The following UBL7 variants were observed in gnomAD, a reference collection of about 807,000 sequenced individuals.
UBL7 encodes the protein ubiquitin like 7.
UBL7 carries 21 observed loss-of-function variants against 41.7 expected under a neutral mutation model. The observed-to-expected ratio is 0.50, with a 90% CI of 0.36 to 0.73. The LOEUF is 0.73. Ranked by LOEUF, UBL7 falls within the 30% of genes least tolerant of loss-of-function variation. The pLI is 0.00. For missense variants in UBL7, 403 were observed against 478.4 expected (o/e 0.84, Z 1.47); for synonymous variants, 157 against 186.9 (o/e 0.84, Z 1.31).
intron 10 of UBL7, among the ~76,000 whole-genome samples, chr15:74,447,257 A>T (rs946391982): frequency 6.6e-6 from 1 of 152,180 alleles, no homozygotes; most frequent in East Asian, 1.9e-4. Context: ...GACCCCAGAC[A>T]AGTTCCAGGG....
chr15:74,459,333 C>T (rs563662471), intron 1 of UBL7, among the ~76,000 whole-genome samples: 3 of 150,794 alleles, frequency 2.0e-5, no homozygotes, highest in Admixed American at 1.3e-4. Context: ...CGGAGTCTCG[C>T]TCTGTTGCCC....
chr15:74,446,981 A>T lies in UBL7; in HGVS notation c.1006-754T>A, dbSNP rs2061189743. Among the ~76,000 whole-genome samples, 1 of 152,240 alleles carries T rather than the reference A, an allele frequency of 6.6e-6. No individual in the cohort carries two copies. The highest frequency in any genetic ancestry group is 1.5e-5 in the Non-Finnish European group (1 of 68,040). Reference sequence around the variant, plus strand: ...AAGGGGAAGAAAAGCAAAGTCAAAGAGGCAGGCAGTGATGAGAACATGGAG... The same window carrying T: ...AAGGGGAAGAAAAGCAAAGTCAAAGTGGCAGGCAGTGATGAGAACATGGAG... On this transcript the variant is annotated intron_variant, in intron 10 of 10. Transcript: ENST00000395081. This position sits in a 1 kb window ranked among gnomAD's most constrained non-coding sequence, Gnocchi z 4.1.
intron 3 of UBL7, among the ~76,000 whole-genome samples, chr15:74,453,359 A>C (rs924484054): frequency 2.0e-5 from 3 of 152,162 alleles, no homozygotes; most frequent in African/African-American, 7.2e-5. Flanking sequence ...TCAAATACAC[A>C]ATTACAAAAT....
chr15:74,460,847 T>C (rs1353796013), intron 1 of UBL7, 190 bp downstream of exon 1: 3 of 1,206,302 alleles, frequency 2.5e-6, no homozygotes, highest in Admixed American at 7.3e-5. Flanking sequence ...TCAAGGTATC[T>C]TCCACCTCAA....
intron 8 of UBL7, 88 bp from the exon 9 acceptor site, chr15:74,449,441 G>A (rs2061219743): frequency 6.4e-7 from 1 of 1,559,316 alleles, no homozygotes; most frequent in Admixed American, 1.8e-5. Context: ...AGTTCTTGGG[G>A]AAACTCTTAA....
At position 74,450,059 on chromosome 15, in the gene UBL7, C is replaced by T. The variant is rs1221804485; in HGVS notation, c.541G>A (p.Ala181Thr). The T allele has an allele frequency of 1.2e-6, 2 of 1,613,040 alleles. No individual in the cohort carries two copies. Among genetic ancestry groups the T allele is most frequent in the East Asian group, 2.2e-5 (1 of 44,870 alleles). ...ATGGCATTGACGAGGGCTGGGTGAG[C>T]AGGCACCAACCTAGGATAGAAGCAG... is the stretch of plus-strand genomic sequence containing the variant. ...DPNMLDTLVP[A>T]HPALVNAIVL... is the part of the protein sequence containing the mutation. Residue 181 changes from alanine (A) to threonine (T), a missense_variant, in exon 7 of 11, where the codon GCT (alanine) becomes ACT (threonine). Transcript: ENST00000395081.
Position 74,452,421 on chromosome 15 carries a change from T to C in UBL7, c.305-43A>G, listed in dbSNP as rs1479738788. ...CAGAGTTACCCTATAGCGCAGGTCC[T>C]GTCTCTGCCACAGACATGGCAACAT... On this transcript the variant is annotated intron_variant, in intron 3 of 10. Coordinates refer to ENST00000395081, the MANE Select transcript of UBL7 (RefSeq NM_032907.5). The C allele has an allele frequency of 2.6e-6, 4 of 1,538,648 alleles. No homozygotes were observed. In the Admixed American group the frequency reaches 5.9e-5, roughly 23 times the overall value.
At chr15:74,449,748 G>T in intron 7 of UBL7, 73 bp from the exon 8 acceptor site, 1 of 1,595,416 alleles carries the variant, frequency 6.3e-7, no homozygotes, top group Non-Finnish European at 8.6e-7. Context: ...CTCAGCTCAA[G>T]TTACTCTCCA....
intron 5 of UBL7, 151 bp downstream of exon 5, chr15:74,451,285 G>T: frequency 1.4e-6 from 1 of 693,636 alleles, no homozygotes. Context: ...TAAAGGGCTG[G>T]GGATATCAAA....
chr15:74,455,952 G>A (rs1170693075), intron 3 of UBL7, among the ~76,000 whole-genome samples: 7 of 152,130 alleles, frequency 4.6e-5, no homozygotes, highest in East Asian at 1.9e-4. Context: ...GTGAAACCCC[G>A]TCTCTACTAA....
intron 10 of UBL7, among the ~76,000 whole-genome samples, chr15:74,447,513 G>C (rs934902502): frequency 2.0e-5 from 3 of 151,810 alleles, no homozygotes; most frequent in African/African-American, 7.3e-5. Flanking sequence ...GACCAGGCTG[G>C]GCAACATAGG....
chr15:74,450,083 A>G lies in UBL7; in HGVS notation c.531-14T>C, dbSNP rs902786672. The G allele has an allele frequency of 1.2e-6, 2 of 1,608,218 alleles. No homozygotes were observed. The highest frequency in any genetic ancestry group is 2.7e-5 in the African/African-American group (2 of 74,882). On this transcript the variant is annotated splice_polypyrimidine_tract_variant and intron_variant, in intron 6 of 10. Transcript: ENST00000395081. ...GCAGGCACCAACCTAGGATAGAAGCAGGAAGAAACCCAAGGGTGACTCCAA... is the reference window on the plus strand; with the variant it reads ...GCAGGCACCAACCTAGGATAGAAGCGGGAAGAAACCCAAGGGTGACTCCAA...
Position 74,456,579 on chromosome 15 carries a change from ACTTTCG to A in UBL7, c.271_276del (p.Arg91_Lys92del). On this transcript the variant is annotated inframe_deletion, in exon 3 of 11. Coordinates refer to ENST00000395081, the MANE Select transcript of UBL7 (RefSeq NM_032907.5). Reference sequence around the variant, plus strand: ...GGTTTCTGATCAGGTTCAGGCCAGGACTTTCGCAGAACATGGACAGTGGACCCAGGT... The same window carrying A: ...GGTTTCTGATCAGGTTCAGGCCAGGACAGAACATGGACAGTGGACCCAGGT... 1 of 1,614,108 alleles carries A rather than the reference ACTTTCG, an allele frequency of 6.2e-7. No individual in the cohort carries two copies. The highest frequency in any genetic ancestry group is 8.5e-7 in the Non-Finnish European group (1 of 1,179,988).
intron 1 of UBL7, chr15:74,460,589 C>T (rs998808184): frequency 7.4e-6 from 6 of 808,626 alleles, no homozygotes; most frequent in African/African-American, 7.3e-5. Flanking sequence ...CAAATATCTG[C>T]TTGCCCCCTC....
intron 5 of UBL7, 149 bp downstream of exon 5, chr15:74,451,287 G>T (rs2141316071): frequency 1.4e-6 from 1 of 700,232 alleles, no homozygotes; most frequent in Non-Finnish European, 2.4e-6. Flanking sequence ...AAGGGCTGGG[G>T]ATATCAAACA....
At chr15:74,457,088 A>G (rs2061301878) in intron 2 of UBL7, among the ~76,000 whole-genome samples, 1 of 152,230 alleles carries the variant, frequency 6.6e-6, no homozygotes, top group African/African-American at 2.4e-5. Flanking sequence ...CTGGGATGAC[A>G]GGCGTGAACC....
Position 74,450,792 on chromosome 15 carries a change from G to A in UBL7, c.530+10C>T. On this transcript the variant is annotated intron_variant, in intron 6 of 10. Coordinates refer to ENST00000395081, the MANE Select transcript of UBL7 (RefSeq NM_032907.5). The stretch of plus-strand genomic sequence containing the variant: ...GAGAAGGTACCCTCTAATAGGACAG[G>A]TACACTTACGTATCAAGCATATTGG... 1.9e-6 allele frequency: 3 copies of A among 1,613,050 alleles called. No individual in the cohort carries two copies. The highest frequency in any genetic ancestry group is 2.5e-6 in the Non-Finnish European group (3 of 1,179,288).
At chr15:74,454,316 C>T (rs545515692) in intron 3 of UBL7, among the ~76,000 whole-genome samples, 1 of 152,158 alleles carries the variant, frequency 6.6e-6, no homozygotes, top group Non-Finnish European at 1.5e-5. Context: ...TGTATTTAAA[C>T]AAGTTGGGTT....
chr15:74,451,325 A>G (rs2061243743), intron 5 of UBL7, 111 bp downstream of exon 5: 9 of 990,694 alleles, frequency 9.1e-6, no homozygotes, highest in Admixed American at 1.9e-5. Flanking sequence ...CTCTTCCCAC[A>G]AGACCAGTCA....
Sources: allele counts gnomAD v4.1 joint callset (sites outside exome capture counted in the v4.1 genomes callset), GRCh38; gene constraint gnomAD v4.1.1; non-coding constraint Gnocchi (gnomAD v3.1); transcripts MANE v1.5; gene names NCBI Gene and HGNC (gene_info 2026-07-23, HGNC 2026-07-21).